The following PCDHA8 variants were observed in gnomAD, a reference collection of about 807,000 sequenced individuals.
PCDHA8 encodes the protein protocadherin alpha 8, also known as protocadherin alpha-8.
Under a neutral mutation model 61.8 loss-of-function variants are expected in PCDHA8, and 53 were observed. That is an observed-to-expected ratio of 0.86 (90% confidence interval 0.69 to 1.08). The LOEUF (loss-of-function observed/expected upper bound fraction) is 1.08. Among genes scored for constraint, PCDHA8 ranks in the 50% least tolerant of loss-of-function variants. PCDHA8 has a pLI of 0.00. For missense variants in PCDHA8, 1,293 were observed against 1,245.0 expected, an observed-to-expected ratio of 1.04 and a Z score of -0.58; for synonymous variants, 618 against 556.6, an observed-to-expected ratio of 1.11 and a Z score of -1.55.
chr5:140,931,864 T>G (rs1554208617), intron 1 of PCDHA8, among the ~76,000 whole-genome samples: 1 of 151,976 alleles, frequency 6.6e-6, no homozygotes, highest in African/African-American at 2.4e-5. Flanking sequence ...ATTCTAGAAA[T>G]AAAATATTTA....
chr5:141,000,416 TATA>T lies in PCDHA8; in HGVS notation c.2543-9210_2543-9208del, dbSNP rs1254571264. Among the ~76,000 whole-genome samples the T allele has an allele frequency of 5.1e-3, 472 of 93,246 alleles. 2 individuals carry two copies. Among genetic ancestry groups the T allele is most frequent in the Non-Finnish European group, 6.8e-3 (330 of 48,634 alleles). 61.2% of individuals were successfully genotyped at this position (93,246 alleles called of 152,430 possible). On this transcript the variant is annotated intron_variant, in intron 3 of 3. Transcript: ENST00000531613. ...CTCTCTATATATATATATATATATA[TATA>T]TATTTTTTTTTTTTTTTTTTTTTTT...
In PCDHA8 at chr5:140,883,730, G is replaced by A. The variant is rs140457638; in HGVS notation, c.2394+40015G>A. On this transcript the variant is annotated intron_variant, in intron 1 of 3. Transcript: ENST00000531613. ...TCAGGACGCGGACGCACAGGAGAAC[G>A]CGCTGGTCTCCTACTCGCTGGTGGA... The A allele has an allele frequency of 3.7e-6, 6 of 1,613,412 alleles. No individual in the cohort carries two copies. In the African/African-American group the frequency reaches 6.7e-5, roughly 18 times the overall value.
chr5:140,841,867 G>A lies in PCDHA8; in HGVS notation c.546G>A (p.Val182=), dbSNP rs2150324495. 2.5e-6 allele frequency: 4 copies of A among 1,613,836 alleles called. No homozygotes were observed. The highest frequency in any genetic ancestry group is 3.4e-6 in the Non-Finnish European group (4 of 1,179,846). ...LSSHDYFMLD[V]NSKNDENKLV... is the part of the protein sequence containing the mutation. ...CTCATGATTACTTCATGCTAGATGT[G>A]AATTCAAAGAACGATGAGAATAAAC... is the stretch of plus-strand genomic sequence containing the variant. The change falls in exon 1 of 4, where the codon GTG becomes GTA. Residue 182 remains valine (V), a synonymous_variant. Coordinates refer to ENST00000531613, the MANE Select transcript of PCDHA8 (RefSeq NM_018911.3).
intron 2 of PCDHA8, among the ~76,000 whole-genome samples, chr5:140,981,687 ATCATTCAT>A (rs200213847): frequency 3.3e-5 from 5 of 151,972 alleles, no homozygotes; most frequent in South Asian, 2.1e-4. Flanking sequence ...CCTCCCTTCC[ATCATTCAT>A]TCATTCATTC....
chr5:140,928,513 A>AT (rs1563106002), intron 1 of PCDHA8: 1 of 1,614,182 alleles, frequency 6.2e-7, no homozygotes, highest in South Asian at 1.1e-5. Flanking sequence ...AACAGTGACT[A>AT]TAAACTTGTT....
intron 1 of PCDHA8, among the ~76,000 whole-genome samples, chr5:140,950,547 TGGG>T (rs1385873509): frequency 6.6e-6 from 1 of 152,064 alleles, no homozygotes; most frequent in Non-Finnish European, 1.5e-5. Flanking sequence ...CTTGCATGGC[TGGG>T]GGGACACTTA....
intron 1 of PCDHA8, chr5:140,929,903 C>T (rs11747154): frequency 0.12 from 17,815 of 152,352 alleles, 1,161 homozygotes; most frequent in Middle Eastern, 0.19. Context: ...ATCTTTAATA[C>T]GATATACCAT....
At chr5:140,896,430 T>C (rs543866183) in intron 1 of PCDHA8, among the ~76,000 whole-genome samples, 41 of 152,158 alleles carry the variant, frequency 2.7e-4, no homozygotes, top group Non-Finnish European at 4.4e-4. Context: ...CCATTCTGAC[T>C]GGTGTGACTG....
At chr5:140,905,135 T>A (rs2071619691) in intron 1 of PCDHA8, among the ~76,000 whole-genome samples, 1 of 152,208 alleles carries the variant, frequency 6.6e-6, no homozygotes, top group Non-Finnish European at 1.5e-5. Context: ...GAAGAGTTTT[T>A]CTGCTGTTAT....
intron 1 of PCDHA8, chr5:140,858,095 G>C: frequency 1.3e-6 from 2 of 1,597,916 alleles, no homozygotes; most frequent in Non-Finnish European, 1.7e-6. Context: ...GCGGGCTTCA[G>C]TGGGCGTGGC....
At chr5:140,968,394 G>A (rs782388354) in intron 1 of PCDHA8, 3 of 1,613,942 alleles carry the variant, frequency 1.9e-6, no homozygotes, top group Admixed American at 3.3e-5. Context: ...GAGAAGTTTC[G>A]GGAGTTCTTT....
intron 1 of PCDHA8, among the ~76,000 whole-genome samples, chr5:140,945,495 C>A (rs1585197828): frequency 6.6e-6 from 1 of 152,022 alleles, no homozygotes; most frequent in East Asian, 1.9e-4. Context: ...ATACCCAAAG[C>A]AATATTGAGC....
chr5:140,967,278 G>T, intron 1 of PCDHA8: 1 of 1,613,408 alleles, frequency 6.2e-7, no homozygotes, highest in Non-Finnish European at 8.5e-7. Context: ...CACATAGAGA[G>T]TGCGCAGGAC....
intron 3 of PCDHA8, among the ~76,000 whole-genome samples, chr5:140,991,199 C>G (rs1554252002): frequency 6.6e-6 from 1 of 152,150 alleles, no homozygotes; most frequent in East Asian, 1.9e-4. Context: ...CAATGATGCT[C>G]AATAAATTTT....
chr5:140,992,342 T>C (rs2097506091), intron 3 of PCDHA8, among the ~76,000 whole-genome samples: 1 of 152,102 alleles, frequency 6.6e-6, no homozygotes. Flanking sequence ...AAGATGGAAA[T>C]GTGGAGAGAG....
chr5:140,987,005 T>C (rs1587197864), intron 3 of PCDHA8, among the ~76,000 whole-genome samples: 1 of 152,008 alleles, frequency 6.6e-6, no homozygotes. Context: ...CTTGAGGTCA[T>C]GAGTTCGAGA....
At chr5:140,952,345 A>G (rs1199209045) in intron 1 of PCDHA8, among the ~76,000 whole-genome samples, 2 of 151,900 alleles carry the variant, frequency 1.3e-5, no homozygotes, top group Non-Finnish European at 2.9e-5. Context: ...TCTCAAAAAA[A>G]AAAAAAAAAG....
rs200161334 is a variant in PCDHA8, at chr5:140,967,904, C to T, written c.2395-11045C>T. ...TAGCCCAGTGCCTGAGAATGCTACACCCAACACCATTGTGGCCGTTCTCAG... is the reference window on the plus strand; with the variant it reads ...TAGCCCAGTGCCTGAGAATGCTACATCCAACACCATTGTGGCCGTTCTCAG... On this transcript the variant is annotated intron_variant, in intron 1 of 3. Coordinates refer to ENST00000531613, the MANE Select transcript of PCDHA8 (RefSeq NM_018911.3). The T allele has an allele frequency of 3.3e-5, 53 of 1,614,164 alleles. No individual in the cohort carries two copies. In the East Asian group the frequency reaches 9.1e-4, roughly 28 times the overall value.
At chr5:140,920,503 A>G (rs1411233164) in intron 1 of PCDHA8, among the ~76,000 whole-genome samples, 1 of 152,126 alleles carries the variant, frequency 6.6e-6, no homozygotes, top group Non-Finnish European at 1.5e-5. Flanking sequence ...AGTTCTACAT[A>G]CTGTTTTATG....
Sources: allele counts gnomAD v4.1 joint callset (sites outside exome capture counted in the v4.1 genomes callset), GRCh38; gene constraint gnomAD v4.1.1; transcripts MANE v1.5; gene names NCBI Gene and HGNC (gene_info 2026-07-23, HGNC 2026-07-21).